SLF1: variants seen among roughly 807,000 people sequenced by gnomAD.
SLF1 encodes the protein SMC5/6 complex localization factor 1.
In SLF1, 105 loss-of-function variants were observed where a neutral mutation model predicts 123.0. That is an observed-to-expected ratio of 0.85 (90% confidence interval 0.73 to 1.00). The LOEUF (loss-of-function observed/expected upper bound fraction) is 1.00. Ranked by LOEUF, SLF1 falls within the 50% of genes least tolerant of loss-of-function variation. The pLI is 0.00. For synonymous variants in SLF1, 434 were observed against 406.6 expected (o/e 1.07, Z -0.81); for missense variants, 1,239 against 1,223.0 (o/e 1.01, Z -0.20).
intron 5 of SLF1, among the ~76,000 whole-genome samples, chr5:94,645,346 G>A (rs777062836): frequency 3.3e-5 from 5 of 152,188 alleles, no homozygotes; most frequent in Non-Finnish European, 4.4e-5. Flanking sequence ...CGCTACTTAA[G>A]TTGCTGGATT....
chr5:94,692,672 T>C (rs1753166434), intron 20 of SLF1, among the ~76,000 whole-genome samples: 1 of 152,186 alleles, frequency 6.6e-6, no homozygotes, highest in East Asian at 1.9e-4. Flanking sequence ...ACAAACTCAA[T>C]CTTATTTTTA....
chr5:94,688,709 G>GT, intron 17 of SLF1, 40 bp downstream of exon 17: 1 of 1,600,564 alleles, frequency 6.2e-7, no homozygotes, highest in Non-Finnish European at 8.5e-7. Context: ...TTGTTTTGGA[G>GT]TACAGCTCTT....
chr5:94,656,724 G>C (rs1748424791), intron 9 of SLF1, among the ~76,000 whole-genome samples: 1 of 151,650 alleles, frequency 6.6e-6, no homozygotes, highest in Admixed American at 6.6e-5. Context: ...TATGTGTCCA[G>C]GAATTTATCC....
rs1585232583 is a variant in SLF1, at chr5:94,686,139, A to G, written c.1976-434A>G. ...GAAGCAGTCTACTTTCTTCCTGTCA[A>G]CTCAGTACTGATCATTGCAAATTAA... On this transcript the variant is annotated intron_variant, in intron 15 of 20. Coordinates refer to ENST00000265140, the MANE Select transcript of SLF1 (RefSeq NM_032290.4). Among the ~76,000 whole-genome samples, 2 of 152,244 alleles carry G rather than the reference A, an allele frequency of 1.3e-5. 1 individual carries two copies. Among genetic ancestry groups the G allele is most frequent in the East Asian group, 3.9e-4 (2 of 5,174 alleles).
Position 94,688,686 on chromosome 5 carries a change from T to G in SLF1, c.2285+17T>G, listed in dbSNP as rs759321050. ...AGAGTTACTGTAAGTGATGCTGATATCCCAGCTGTGCTTTGTTTTGGAGTA... is the reference window on the plus strand; with the variant it reads ...AGAGTTACTGTAAGTGATGCTGATAGCCCAGCTGTGCTTTGTTTTGGAGTA... On this transcript the variant is annotated intron_variant, in intron 17 of 20. Transcript: ENST00000265140. 1 of 1,613,096 alleles carries G rather than the reference T, an allele frequency of 6.2e-7. No homozygotes were observed. The highest frequency in any genetic ancestry group is 2.2e-5 in the East Asian group (1 of 44,842).
intron 4 of SLF1, among the ~76,000 whole-genome samples, chr5:94,642,021 C>G (rs1254340057): frequency 6.6e-6 from 1 of 152,220 alleles, no homozygotes; most frequent in Non-Finnish European, 1.5e-5. Flanking sequence ...TTTTCCCAGG[C>G]TGGGCAGCAG....
intron 15 of SLF1, among the ~76,000 whole-genome samples, chr5:94,682,409 A>G (rs1751903797): frequency 6.6e-6 from 1 of 152,058 alleles, no homozygotes; most frequent in South Asian, 2.1e-4. Flanking sequence ...CTCAGTTACT[A>G]TCTTTTGCTT....
rs377429615 is a variant in SLF1, at chr5:94,643,513, A to G, written c.594+78A>G. 8.6e-6 allele frequency: 9 copies of G among 1,046,530 alleles called. No individual in the cohort carries two copies. In the East Asian group the frequency reaches 9.5e-5, roughly 11 times the overall value. The allele number at this position is 1,046,530 out of a possible 1,614,324, so 64.8% of individuals were successfully genotyped here. ...AAAATACCAACATAGTAAAATATATATTAAAGTTGTGTTCTAAATTTTGAA... is the reference window on the plus strand; with the variant it reads ...AAAATACCAACATAGTAAAATATATGTTAAAGTTGTGTTCTAAATTTTGAA... On this transcript the variant is annotated intron_variant, in intron 5 of 20. Coordinates refer to ENST00000265140, the MANE Select transcript of SLF1 (RefSeq NM_032290.4).
chr5:94,619,854 A>C lies in SLF1; in HGVS notation c.-1+1089A>C, dbSNP rs80350129. Among the ~76,000 whole-genome samples, 925 of 152,058 alleles carry C rather than the reference A, an allele frequency of 6.1e-3. 12 individuals are homozygous for C. The highest frequency in any genetic ancestry group is 0.021 in the African/African-American group (873 of 41,498). On this transcript the variant is annotated intron_variant, in intron 1 of 20. Coordinates refer to ENST00000265140, the MANE Select transcript of SLF1 (RefSeq NM_032290.4). Reference sequence around the variant, plus strand: ...TTTATATTAAAGAGTATATTTCTTTATTTTCTTTTCTTACCTTTCCTTCCT... The same window carrying C: ...TTTATATTAAAGAGTATATTTCTTTCTTTTCTTTTCTTACCTTTCCTTCCT...
At position 94,649,491 on chromosome 5, in the gene SLF1, C is replaced by A; in HGVS notation, c.632C>A (p.Ser211Tyr). Residue 211 changes from serine (S) to tyrosine (Y), a missense_variant, in exon 6 of 21, where the codon TCT becomes TAT. Coordinates refer to ENST00000265140, the MANE Select transcript of SLF1 (RefSeq NM_032290.4). The stretch of plus-strand genomic sequence containing the variant: ...AATGATGAAGATTCCCAAACCAATT[C>A]TGTTTGGACTGAACATAGCAATGAA... ...IQNDEDSQTN[S>Y]VWTEHSNEET... 1 of 1,524,300 alleles carries A rather than the reference C, an allele frequency of 6.6e-7. No homozygotes were observed. The highest frequency in any genetic ancestry group is 8.9e-7 in the Non-Finnish European group (1 of 1,129,242). The allele number at this position is 1,524,300 out of a possible 1,614,324, so 94.4% of individuals were successfully genotyped here.
intron 14 of SLF1, among the ~76,000 whole-genome samples, chr5:94,673,649 C>T (rs1030479958): frequency 1.4e-4 from 21 of 149,052 alleles, no homozygotes; most frequent in Non-Finnish European, 2.8e-4. Flanking sequence ...ATGATTGCGC[C>T]GCAGCATTCC....
At chr5:94,644,821 G>A (rs1463532710) in intron 5 of SLF1, among the ~76,000 whole-genome samples, 1 of 152,106 alleles carries the variant, frequency 6.6e-6, no homozygotes, top group East Asian at 1.9e-4. Flanking sequence ...TCCCCATGTA[G>A]ACCAAAAGCT....
At chr5:94,670,713 T>G in intron 13 of SLF1, 130 bp from the exon 14 acceptor site, 1 of 664,956 alleles carries the variant, frequency 1.5e-6, no homozygotes, top group African/African-American at 1.8e-5. Flanking sequence ...TTTATTATAA[T>G]TGTTATAATC....
At chr5:94,639,037 CTTTTT>C (rs764031689) in intron 4 of SLF1, among the ~76,000 whole-genome samples, 24 of 88,968 alleles carry the variant, frequency 2.7e-4, no homozygotes, top group Non-Finnish European at 3.9e-4. Context: ...CTTTTCTTCC[CTTTTT>C]TTTTTTTTTT....
At chr5:94,652,953 G>T (rs771621953) in intron 7 of SLF1, among the ~76,000 whole-genome samples, 4 of 152,148 alleles carry the variant, frequency 2.6e-5, no homozygotes, top group Non-Finnish European at 4.4e-5. Flanking sequence ...CGCCTTCCAG[G>T]TTCAAGCGAT....
At chr5:94,677,969 G>C (rs1273091760) in intron 14 of SLF1, among the ~76,000 whole-genome samples, 1 of 150,960 alleles carries the variant, frequency 6.6e-6, no homozygotes, top group Non-Finnish European at 1.5e-5. Context: ...CACCCAGGCT[G>C]GAGTGCAGTG....
chr5:94,679,478 G>C (rs898168033), intron 15 of SLF1, among the ~76,000 whole-genome samples: 3 of 151,834 alleles, frequency 2.0e-5, no homozygotes, highest in African/African-American at 7.3e-5. Flanking sequence ...AGTAGTCCCA[G>C]CTACTCTGGA....
chr5:94,654,254 G>A (rs1480741612), intron 8 of SLF1, among the ~76,000 whole-genome samples: 2 of 151,756 alleles, frequency 1.3e-5, no homozygotes, highest in East Asian at 3.9e-4. Flanking sequence ...AAATGATAAA[G>A]GTAAATAAGT....
At chr5:94,678,122 G>A (rs2346765) in intron 14 of SLF1, among the ~76,000 whole-genome samples, 21,382 of 151,794 alleles carry the variant, frequency 0.14, 1,711 homozygotes, top group East Asian at 0.32. Flanking sequence ...GGGTTTCACC[G>A]TGTTAGCCAG....
Sources: gnomAD v4.1 joint callset for allele counts (sites outside exome capture counted in the v4.1 genomes callset) on GRCh38, gnomAD v4.1.1 for gene constraint, MANE v1.5 for transcripts, NCBI Gene and HGNC (gene_info 2026-07-23, HGNC 2026-07-21) for gene names.